TRIM5: variants seen among roughly 807,000 people sequenced by gnomAD.
The protein encoded by TRIM5 is tripartite motif-containing protein 5.
TRIM5 carries 31 observed loss-of-function variants against 35.6 expected under a neutral mutation model. The ratio of observed to expected loss-of-function variants is 0.87; its 90% CI spans 0.65 to 1.18. The LOEUF (loss-of-function observed/expected upper bound fraction) is 1.18. TRIM5 is among the 50% of genes most tolerant of loss of function. TRIM5 has a pLI of 0.00. For missense variants in TRIM5, 609 were observed against 591.6 expected, an observed-to-expected ratio of 1.03 and a Z score of -0.31; for synonymous variants, 243 against 215.6, an observed-to-expected ratio of 1.13 and a Z score of -1.11.
intron 1 of TRIM5, among the ~76,000 whole-genome samples, chr11:5,681,899 A>G (rs1852495202): frequency 7.8e-6 from 1 of 128,268 alleles, no homozygotes; most frequent in Non-Finnish European, 1.6e-5. Context: ...CCCAGGTTCC[A>G]GTGACTCCTC....
chr11:5,641,240 G>A, the TRIM5 span: 5 of 1,612,872 alleles, frequency 3.1e-6, no homozygotes, highest in Non-Finnish European at 4.2e-6. Context: ...AGAAGTGTTT[G>A]TAGCTATTAG....
chr11:5,623,848 G>A, the TRIM5 span, among the ~76,000 whole-genome samples: 10 of 152,186 alleles, frequency 6.6e-5, no homozygotes, highest in African/African-American at 1.9e-4. Context: ...TGATCACCAT[G>A]CATGAGTCAG....
chr11:5,615,933 A>ATTT, the TRIM5 span, among the ~76,000 whole-genome samples: 3,862 of 121,332 alleles, frequency 0.032, 143 homozygotes, highest in African/African-American at 0.062. Context: ...ATATCTTTTC[A>ATTT]TTTTTTTTTT....
At chr11:5,605,227 T>C in the TRIM5 span, 8 of 1,438,206 alleles carry the variant, frequency 5.6e-6, no homozygotes, top group Non-Finnish European at 7.8e-6. Flanking sequence ...TCCCTCTCCC[T>C]GGGAGGCTTG....
the TRIM5 span, chr11:5,642,568 T>C: frequency 3.8e-6 from 6 of 1,570,994 alleles, no homozygotes; most frequent in East Asian, 2.3e-5. Flanking sequence ...TAATAAACTG[T>C]CTAGGTGGGA....
At chr11:5,634,892 G>A in the TRIM5 span, 1 of 1,601,676 alleles carries the variant, frequency 6.2e-7, no homozygotes, top group Non-Finnish European at 8.5e-7. Flanking sequence ...TGAGATTCTG[G>A]GAACACAGTT....
the TRIM5 span, among the ~76,000 whole-genome samples, chr11:5,609,705 G>C: frequency 6.6e-6 from 1 of 152,108 alleles, no homozygotes. Context: ...GGCAGATCAC[G>C]AGGTCAGGAG....
the TRIM5 span, among the ~76,000 whole-genome samples, chr11:5,653,475 C>G: frequency 6.7e-6 from 1 of 149,370 alleles, no homozygotes; most frequent in South Asian, 2.1e-4. Context: ...CTGTTTTTTC[C>G]GATTTTTTTT....
chr11:5,606,694 C>T, the TRIM5 span, among the ~76,000 whole-genome samples: 3 of 152,086 alleles, frequency 2.0e-5, no homozygotes, highest in Admixed American at 6.6e-5. Context: ...TTTGTTCTGG[C>T]TCCTCAACAG....
chr11:5,596,983 GAT>G, the TRIM5 span: 5 of 1,610,906 alleles, frequency 3.1e-6, no homozygotes, highest in Admixed American at 8.4e-5. Context: ...CAGTGAAAGA[GAT>G]AAGGTCCTTT....
chr11:5,668,575 G>A (rs990343293), intron 4 of TRIM5, among the ~76,000 whole-genome samples: 2 of 151,794 alleles, frequency 1.3e-5, no homozygotes, highest in African/African-American at 2.4e-5. Context: ...TCAACCTCCC[G>A]AGTAGCTGGG....
At chr11:5,669,543 C>G (rs920793172) in intron 4 of TRIM5, among the ~76,000 whole-genome samples, 1 of 152,162 alleles carries the variant, frequency 6.6e-6, no homozygotes, top group Non-Finnish European at 1.5e-5. Flanking sequence ...ATAGCTGGAT[C>G]TACACATACA....
intron 1 of TRIM5, 86 bp from the exon 2 acceptor site, chr11:5,680,324 C>A: frequency 9.9e-6 from 8 of 806,934 alleles, no homozygotes; most frequent in South Asian, 3.7e-5. Context: ...AGAAAATGGG[C>A]AAGATGAAAA....
chr11:5,617,846 T>A, the TRIM5 span, among the ~76,000 whole-genome samples: 28 of 151,430 alleles, frequency 1.8e-4, no homozygotes, highest in East Asian at 7.7e-4. Flanking sequence ...ATCCTTTTTT[T>A]AAAAAAAATG....
chr11:5,606,526 A>G, the TRIM5 span, among the ~76,000 whole-genome samples: 1 of 151,886 alleles, frequency 6.6e-6, no homozygotes, highest in Non-Finnish European at 1.5e-5. Flanking sequence ...GTTTATTTAC[A>G]TATTCTTGGG....
chr11:5,633,771 T>C, the TRIM5 span: 63 of 1,598,608 alleles, frequency 3.9e-5, no homozygotes, highest in Admixed American at 7.1e-5. Flanking sequence ...AGAAAGCTTA[T>C]AGCTTGACTG....
chr11:5,607,614 G>A, the TRIM5 span, among the ~76,000 whole-genome samples: 1 of 152,188 alleles, frequency 6.6e-6, no homozygotes, highest in East Asian at 1.9e-4. Context: ...GTGAACAACT[G>A]GTGACCAAAT....
At chr11:5,623,105 C>CTT in the TRIM5 span, among the ~76,000 whole-genome samples, 608 of 106,824 alleles carry the variant, frequency 5.7e-3, 3 homozygotes, top group Non-Finnish European at 8.5e-3. Context: ...CTGTCTGGAG[C>CTT]TTTTTTTTTT....
At chr11:5,645,392 C>CAAA in the TRIM5 span, among the ~76,000 whole-genome samples, 25 of 95,736 alleles carry the variant, frequency 2.6e-4, no homozygotes, top group Non-Finnish European at 4.6e-4. Context: ...AACTCTGTCT[C>CAAA]AAAAAAAAAA....
Sources: gnomAD v4.1 joint callset for allele counts (sites outside exome capture counted in the v4.1 genomes callset) on GRCh38, gnomAD v4.1.1 for gene constraint, MANE v1.5 for transcripts, NCBI Gene and HGNC (gene_info 2026-07-23, HGNC 2026-07-21) for gene names.